Variants in SS18L1 observed in about 807,000 individuals in gnomAD.
SS18L1 encodes calcium-responsive transactivator.
SS18L1 carries 32 observed loss-of-function variants against 70.3 expected under a neutral mutation model. That is an observed-to-expected ratio of 0.46 (90% CI 0.34 to 0.61). The LOEUF (loss-of-function observed/expected upper bound fraction) is 0.61, where lower values mean the gene tolerates loss of function less well. Ranked by LOEUF, SS18L1 falls within the 20% of genes least tolerant of loss-of-function variation. SS18L1 has a pLI of 0.01. For missense variants in SS18L1, 430 were observed against 542.1 expected (o/e 0.79, Z 2.05); for synonymous variants, 237 against 229.7 (o/e 1.03, Z -0.29).
rs60342665 is a variant in SS18L1, at chr20:62,165,531, CGTGCTGGGCTCGA to C, written c.916+19_916+31del. ...ATGAGGGGGGTAAGGAGCACGGCTG[CGTGCTGGGCTCGA>C]GCGTAAGCGCCACACGCAGCAGAGT... On this transcript the variant is annotated intron_variant, in intron 8 of 10. Coordinates refer to ENST00000331758, the MANE Select transcript of SS18L1 (RefSeq NM_198935.3). The C allele has an allele frequency of 0.11, 169,583 of 1,604,098 alleles. 10,523 individuals are homozygous for C. The highest frequency in any genetic ancestry group is 0.22 in the South Asian group (19,883 of 89,910).
chr20:62,169,095 G>A (rs976677058), intron 8 of SS18L1, among the ~76,000 whole-genome samples: 4 of 152,320 alleles, frequency 2.6e-5, no homozygotes, highest in East Asian at 1.9e-4. Context: ...TGCGAGTCCC[G>A]CGTTCGCGTC....
intron 10 of SS18L1, chr20:62,175,576 C>G: frequency 4.4e-6 from 2 of 454,924 alleles, no homozygotes; most frequent in Non-Finnish European, 5.8e-6. Context: ...TTTGGAGCCT[C>G]CTTTGAGAGA....
rs371391420 is a variant in SS18L1 at position 62,143,807 on chromosome 20, C to G, written c.-14C>G. 1 of 1,357,420 alleles carries G rather than the reference C, an allele frequency of 7.4e-7. No homozygotes were observed. The highest frequency in any genetic ancestry group is 9.8e-7 in the Non-Finnish European group (1 of 1,025,264). The allele number at this position is 1,357,420 out of a possible 1,614,324, so 84.1% of individuals were successfully genotyped here. ...CCACCTCGATGACCACGGGCTGAGC[C>G]CCGCGCCGCCACCATGTCCGTGGCC... On this transcript the variant is annotated 5_prime_UTR_variant, in exon 1 of 11. Coordinates refer to ENST00000331758, the MANE Select transcript of SS18L1 (RefSeq NM_198935.3).
In SS18L1 at chr20:62,159,803, T is replaced by C. The variant is rs1601014126; in HGVS notation, c.147-74T>C. On this transcript the variant is annotated intron_variant, in intron 2 of 10. Coordinates refer to ENST00000331758, the MANE Select transcript of SS18L1 (RefSeq NM_198935.3). The surrounding 1 kb of genome is among the most constrained non-coding windows in gnomAD (Gnocchi z 4.4). ...ATGTCAGGCTGTCTTGTTCACACTT[T>C]ACTTCTGCCTTGGATCCACGTGGGG... The C allele has an allele frequency of 6.9e-7, 1 of 1,442,276 alleles. No homozygotes were observed. Among genetic ancestry groups the C allele is most frequent in the East Asian group, 2.4e-5 (1 of 41,622 alleles). The allele number at this position is 1,442,276 out of a possible 1,614,324, so 89.3% of individuals were successfully genotyped here.
At chr20:62,178,128 C>A (rs927459926) in intron 10 of SS18L1, among the ~76,000 whole-genome samples, 76 of 143,418 alleles carry the variant, frequency 5.3e-4, no homozygotes, top group Admixed American at 1.7e-3. Flanking sequence ...TGCGCCACAA[C>A]ATGTGGCTTA....
At chr20:62,177,661 CA>C (rs1181831152) in intron 10 of SS18L1, among the ~76,000 whole-genome samples, 1 of 152,222 alleles carries the variant, frequency 6.6e-6, no homozygotes, top group African/African-American at 2.4e-5. Context: ...TTTTGCTGCC[CA>C]AGGAATTCTG....
At chr20:62,167,436 C>T (rs2057456155) in intron 8 of SS18L1, among the ~76,000 whole-genome samples, 2 of 151,126 alleles carry the variant, frequency 1.3e-5, no homozygotes, top group African/African-American at 4.9e-5. Flanking sequence ...TGGCGGGTAC[C>T]TGTAATCCCA....
chr20:62,177,255 GCAA>G (rs2057635180), intron 10 of SS18L1, among the ~76,000 whole-genome samples: 1 of 151,604 alleles, frequency 6.6e-6, no homozygotes. Flanking sequence ...TCCAGCATGG[GCAA>G]CAAGAGCGAA....
chr20:62,148,114 G>A (rs1166140783), intron 1 of SS18L1, among the ~76,000 whole-genome samples: 1 of 152,212 alleles, frequency 6.6e-6, no homozygotes, highest in Non-Finnish European at 1.5e-5. Context: ...ACCCGAGAAG[G>A]GGAGCATGGG....
rs1159000609 is a variant in SS18L1, at chr20:62,156,032, C to G, written c.70-2640C>G. Among the ~76,000 whole-genome samples the G allele has an allele frequency of 3.8e-5, 5 of 132,336 alleles. 1 individual carries two copies. Among genetic ancestry groups the G allele is most frequent in the African/African-American group, 1.4e-4 (5 of 36,326 alleles). The allele number at this position is 132,336 out of a possible 152,430, so 86.8% of individuals were successfully genotyped here. A position where few individuals can be genotyped will look rare whatever the true frequency, so the allele number is the denominator to read the frequency against. On this transcript the variant is annotated intron_variant, in intron 1 of 10. Transcript: ENST00000331758. ...AGTTCTCTGTATCCAGTTTTCTAAACACCCACACCAGTACTGTGTTTCGTC... is the reference window on the plus strand; with the variant it reads ...AGTTCTCTGTATCCAGTTTTCTAAAGACCCACACCAGTACTGTGTTTCGTC...
chr20:62,164,262 G>A lies in SS18L1; in HGVS notation c.823+16G>A, dbSNP rs551249529. ...TACCCCGACGGTGAGCACTGGCGGC[G>A]GCCTGACCCCGCCCAGGAACGCAGA... On this transcript the variant is annotated intron_variant, in intron 7 of 10. Transcript: ENST00000331758. 36 of 1,542,940 alleles carry A rather than the reference G, an allele frequency of 2.3e-5. No individual in the cohort carries two copies. The highest frequency in any genetic ancestry group is 1.6e-4 in the South Asian group (13 of 83,310).
At position 62,164,255 on chromosome 20, in the gene SS18L1, TGGC is replaced by T. The variant is rs2057386776; in HGVS notation, c.823+16_823+18del. The T allele has an allele frequency of 6.5e-7, 1 of 1,544,858 alleles. No individual in the cohort carries two copies. The highest frequency in any genetic ancestry group is 2.5e-5 in the East Asian group (1 of 40,806). ...GCAGTACTACCCCGACGGTGAGCAC[TGGC>T]GGCGGCCTGACCCCGCCCAGGAACG... is the stretch of plus-strand genomic sequence containing the variant. On this transcript the variant is annotated intron_variant, in intron 7 of 10. Transcript: ENST00000331758.
chr20:62,164,297 G>GGGGCAAGGAGGGCAAGGA (rs146750123), intron 7 of SS18L1, 51 bp downstream of exon 7: 23 of 1,449,382 alleles, frequency 1.6e-5, no homozygotes, highest in South Asian at 7.8e-5. Context: ...AGCAGCTGCA[G>GGGGCAAGGAGGGCAAGGA]GGGCAAGGAG....
In SS18L1 at chr20:62,180,352, C is replaced by A. The variant is rs2057687695; in HGVS notation, c.*1144C>A. The A allele has an allele frequency of 5.3e-6, 1 of 187,676 alleles. No homozygotes were observed. The highest frequency in any genetic ancestry group is 1.9e-4 in the South Asian group (1 of 5,136). The allele number at this position is 187,676 out of a possible 1,614,324, so 11.6% of individuals were successfully genotyped here. A position where few individuals can be genotyped will look rare whatever the true frequency, so the allele number is the denominator to read the frequency against. ...TTAAATTCTGTGTGAACATTAAAGA[C>A]AGCACACTTGCAAAAGTATGGTCAA... On this transcript the variant is annotated 3_prime_UTR_variant, in exon 11 of 11. Transcript: ENST00000331758.
intron 8 of SS18L1, among the ~76,000 whole-genome samples, chr20:62,167,322 C>T (rs571350807): frequency 3.3e-4 from 49 of 149,034 alleles, no homozygotes; most frequent in African/African-American, 1.1e-3. Context: ...GGATTACAGG[C>T]GTGAGCCACC....
chr20:62,163,552 G>A lies in SS18L1; in HGVS notation c.651G>A (p.Met217Ile). The A allele has an allele frequency of 3.7e-6, 6 of 1,611,060 alleles. No homozygotes were observed. Among genetic ancestry groups the A allele is most frequent in the East Asian group, 2.2e-5 (1 of 44,866 alleles). ...HYQGQSSIAM[M>I]GQGSQGSSMM... is the part of the protein sequence containing the mutation. ...AGGGCCAGTCGTCCATCGCCATGAT[G>A]GGGCAGGGCAGCCAGGGGAGCAGCA... Residue 217 changes from methionine (M) to isoleucine (I), a missense_variant, in exon 6 of 11, where the codon ATG (methionine) becomes ATA (isoleucine). Coordinates refer to ENST00000331758, the MANE Select transcript of SS18L1 (RefSeq NM_198935.3).
chr20:62,158,818 G>A lies in SS18L1; in HGVS notation c.146+70G>A, dbSNP rs906742088. On this transcript the variant is annotated intron_variant, in intron 2 of 10. Transcript: ENST00000331758. The surrounding 1 kb of genome is among the most constrained non-coding windows in gnomAD (Gnocchi z 4.5). Reference sequence around the variant, plus strand: ...GAGTCTAAGCACAGAGGCCAGATACGTCCCAAGAGTCCCCCAGCACAGAGA... The same window carrying A: ...GAGTCTAAGCACAGAGGCCAGATACATCCCAAGAGTCCCCCAGCACAGAGA... 5.6e-6 allele frequency: 9 copies of A among 1,611,924 alleles called. No homozygotes were observed. Among genetic ancestry groups the A allele is most frequent in the East Asian group, 2.2e-5 (1 of 44,820 alleles).
rs145748217 is a variant in SS18L1, at chr20:62,163,998, CAT to C, written c.722-145_722-144del. 701 of 689,906 alleles carry C rather than the reference CAT, an allele frequency of 1.0e-3. 1 individual carries two copies. In the African/African-American group the frequency reaches 0.011, roughly 11 times the overall value. 42.7% of individuals were successfully genotyped at this position (689,906 alleles called of 1,614,324 possible). On this transcript the variant is annotated intron_variant, in intron 6 of 10. Transcript: ENST00000331758. Reference sequence around the variant, plus strand: ...GAAACTCTGTACTAAAAATACAAAACATAAGTTGGATACGATGACAGCGTGGG... The same window carrying C: ...GAAACTCTGTACTAAAAATACAAAACAAGTTGGATACGATGACAGCGTGGG...
At chr20:62,151,653 C>T (rs1409283497) in intron 1 of SS18L1, among the ~76,000 whole-genome samples, 2 of 152,218 alleles carry the variant, frequency 1.3e-5, no homozygotes, top group African/African-American at 2.4e-5. Context: ...GTTTCAACCA[C>T]GCGGCTCCGG....
Sources: allele counts gnomAD v4.1 joint callset (sites outside exome capture counted in the v4.1 genomes callset), GRCh38; gene constraint gnomAD v4.1.1; non-coding constraint Gnocchi (gnomAD v3.1); transcripts MANE v1.5; gene names NCBI Gene and HGNC (gene_info 2026-07-23, HGNC 2026-07-21).